Variants in MYT1L observed in about 807,000 individuals in gnomAD.
MYT1L encodes the protein myelin transcription factor 1 like.
In MYT1L, 12 loss-of-function variants were observed where a neutral mutation model predicts 126.7. The ratio of observed to expected loss-of-function variants is 0.09; its 90% CI spans 0.06 to 0.15. The LOEUF (loss-of-function observed/expected upper bound fraction) is 0.15. MYT1L is among the 10% of genes least tolerant of loss of function. The pLI is 1.00. For missense variants in MYT1L, 979 were observed against 1,585.2 expected (o/e 0.62, Z 6.49); for synonymous variants, 541 against 604.2 (o/e 0.90, Z 1.53).
chr2:1,921,853 T>C (rs954820438), intron 10 of MYT1L, among the ~76,000 whole-genome samples: 4 of 152,232 alleles, frequency 2.6e-5, no homozygotes, highest in African/African-American at 9.6e-5. Flanking sequence ...TTACAAATCA[T>C]GATGCCATTT....
chr2:2,281,520 T>A (rs902811389), intron 2 of MYT1L, among the ~76,000 whole-genome samples: 1 of 152,244 alleles, frequency 6.6e-6, no homozygotes, highest in African/African-American at 2.4e-5. Context: ...CTAGCTCATG[T>A]AAGTGGTCAA....
At chr2:2,106,415 C>T (rs1248452618) in intron 3 of MYT1L, among the ~76,000 whole-genome samples, 1 of 151,994 alleles carries the variant, frequency 6.6e-6, no homozygotes, top group Non-Finnish European at 1.5e-5. Context: ...GTCAGGAGTT[C>T]AAGATCAGCC....
At chr2:2,197,049 T>G (rs1419092987) in intron 2 of MYT1L, among the ~76,000 whole-genome samples, 1 of 152,170 alleles carries the variant, frequency 6.6e-6, no homozygotes, top group Non-Finnish European at 1.5e-5. Flanking sequence ...ATTATAAATT[T>G]TTAAAAATAT....
Position 1,917,106 on chromosome 2 carries a change from C to T in MYT1L, c.1618+99G>A. On this transcript the variant is annotated intron_variant, in intron 11 of 24. Transcript: ENST00000647738. This position sits in a 1 kb window ranked among gnomAD's most constrained non-coding sequence, Gnocchi z 5.9. ...AGGGGCCTAGTTAAATCAGGTCGCA[C>T]CGAGCCGTACAATGGAGATGATGTC... 1.4e-6 allele frequency: 2 copies of T among 1,417,602 alleles called. No homozygotes were observed. Among genetic ancestry groups the T allele is most frequent in the Non-Finnish European group, 1.9e-6 (2 of 1,051,454 alleles). The allele number at this position is 1,417,602 out of a possible 1,614,324, so 87.8% of individuals were successfully genotyped here.
rs1310396380 is a variant in MYT1L, at chr2:1,790,180, G to A, written c.*1687C>T. ...CAAATAGTCGACTGGCACATTGTGGGGACAATGACCCTGTAAGTCCTGTTC... is the reference window on the plus strand; with the variant it reads ...CAAATAGTCGACTGGCACATTGTGGAGACAATGACCCTGTAAGTCCTGTTC... On this transcript the variant is annotated 3_prime_UTR_variant, in exon 25 of 25. Transcript: ENST00000647738. 2 of 151,964 alleles carry A rather than the reference G, an allele frequency of 1.3e-5. No individual in the cohort carries two copies. The highest frequency in any genetic ancestry group is 2.9e-5 in the Non-Finnish European group (2 of 68,014). 9.4% of individuals were successfully genotyped at this position (151,964 alleles called of 1,614,324 possible).
intron 18 of MYT1L, among the ~76,000 whole-genome samples, chr2:1,869,416 G>A (rs918224588): frequency 1.3e-5 from 2 of 152,256 alleles, no homozygotes; most frequent in Non-Finnish European, 2.9e-5. Context: ...TGCATTCCCT[G>A]GAGGCTCCTT....
intron 18 of MYT1L, among the ~76,000 whole-genome samples, chr2:1,875,357 GC>G (rs1212205452): frequency 2.0e-5 from 3 of 152,232 alleles, no homozygotes; most frequent in Non-Finnish European, 4.4e-5. Flanking sequence ...AAGAGAGTGT[GC>G]CTGCCTTGCC....
chr2:2,262,052 A>ACAC (rs1355060580), intron 2 of MYT1L, among the ~76,000 whole-genome samples: 2 of 152,202 alleles, frequency 1.3e-5, no homozygotes, highest in Admixed American at 1.3e-4. Context: ...TGCAATTGAG[A>ACAC]CACCCCTTAA....
At chr2:2,195,832 T>A (rs1475843451) in intron 2 of MYT1L, among the ~76,000 whole-genome samples, 1 of 151,992 alleles carries the variant, frequency 6.6e-6, no homozygotes, top group African/African-American at 2.4e-5. Context: ...GAAAATGGGC[T>A]AGGAGAAACT....
Position 2,079,731 on chromosome 2 carries a change from C to T in MYT1L, c.-303-25608G>A, listed in dbSNP as rs181827089. 1.1e-4 allele frequency among the ~76,000 whole-genome samples: 17 copies of T among 151,746 alleles called. 1 individual carries two copies. The highest frequency in any genetic ancestry group is 1.9e-4 in the East Asian group (1 of 5,144). On this transcript the variant is annotated intron_variant, in intron 3 of 24. Transcript: ENST00000647738. Reference sequence around the variant, plus strand: ...CTGAGGCCAGAGAATGGCGTGAACCCGGGAGGCGGAGCTTGCAGTGAGCTG... The same window carrying T: ...CTGAGGCCAGAGAATGGCGTGAACCTGGGAGGCGGAGCTTGCAGTGAGCTG...
At position 1,912,049 on chromosome 2, in the gene MYT1L, A is replaced by G; in HGVS notation, c.1680T>C (p.His560=). The G allele has an allele frequency of 1.1e-5, 17 of 1,595,772 alleles. No individual in the cohort carries two copies. The highest frequency in any genetic ancestry group is 1.4e-5 in the Non-Finnish European group (16 of 1,167,716). ...GGTGGGAGTTCCTGTTGCTGTTGAC[A>G]TGCCCGCGCCCCGTGCAGCCCGGAG... ...CPTPGCTGRG[H]VNSNRNSHRS... The change falls in exon 12 of 25, where the codon CAT becomes CAC. Residue 560 remains histidine (H), a synonymous_variant. Transcript: ENST00000647738. The surrounding 1 kb of genome is among the most constrained non-coding windows in gnomAD (Gnocchi z 4.3).
At chr2:1,856,240 C>T (rs1370298750) in intron 18 of MYT1L, among the ~76,000 whole-genome samples, 2 of 152,140 alleles carry the variant, frequency 1.3e-5, no homozygotes, top group Non-Finnish European at 1.5e-5. Flanking sequence ...ATCTGAGGAA[C>T]CCTTGGACTT....
At chr2:1,959,782 G>C (rs548460792) in intron 8 of MYT1L, among the ~76,000 whole-genome samples, 5 of 152,302 alleles carry the variant, frequency 3.3e-5, no homozygotes, top group African/African-American at 1.2e-4. Context: ...TCCCGCATGG[G>C]ACACGGTCCT....
At chr2:2,244,976 C>T (rs2094505888) in intron 2 of MYT1L, among the ~76,000 whole-genome samples, 1 of 152,156 alleles carries the variant, frequency 6.6e-6, no homozygotes, top group African/African-American at 2.4e-5. Flanking sequence ...ACATTGTATC[C>T]TGTTGTACAT....
intron 3 of MYT1L, among the ~76,000 whole-genome samples, chr2:2,107,042 C>T (rs560246555): frequency 6.6e-6 from 1 of 152,300 alleles, no homozygotes; most frequent in Admixed American, 6.5e-5. Context: ...TGGAGATCAA[C>T]ACATCTGTCT....
At chr2:2,066,629 T>A (rs2073916219) in intron 3 of MYT1L, among the ~76,000 whole-genome samples, 1 of 151,650 alleles carries the variant, frequency 6.6e-6, no homozygotes, top group Non-Finnish European at 1.5e-5. Flanking sequence ...AAAACAGGGG[T>A]GGGGCATGGG....
chr2:1,984,395 C>G (rs887550641), intron 5 of MYT1L, among the ~76,000 whole-genome samples: 1 of 152,030 alleles, frequency 6.6e-6, no homozygotes, highest in South Asian at 2.1e-4. Flanking sequence ...CAGGATCTCA[C>G]TATGTTTCCC....
chr2:1,905,798 T>C (rs989762968), intron 13 of MYT1L, among the ~76,000 whole-genome samples: 6 of 152,238 alleles, frequency 3.9e-5, no homozygotes, highest in Non-Finnish European at 5.9e-5. Flanking sequence ...ACGTGTACTG[T>C]TTAGGAAGGA....
At chr2:2,216,043 GTCTC>G (rs146632684) in intron 2 of MYT1L, among the ~76,000 whole-genome samples, 7 of 123,426 alleles carry the variant, frequency 5.7e-5, no homozygotes, top group South Asian at 2.6e-4. Context: ...CTGTCTGTCT[GTCTC>G]TCTCTCTCTC....
Sources: allele counts gnomAD v4.1 joint callset (sites outside exome capture counted in the v4.1 genomes callset), GRCh38; gene constraint gnomAD v4.1.1; non-coding constraint Gnocchi (gnomAD v3.1); transcripts MANE v1.5; gene names NCBI Gene and HGNC (gene_info 2026-07-23, HGNC 2026-07-21).